Variants in KCTD18 observed in about 807,000 individuals in gnomAD.
The protein encoded by KCTD18 is BTB/POZ domain-containing protein KCTD18.
In KCTD18, 22 loss-of-function variants were observed where a neutral mutation model predicts 30.4. The observed-to-expected ratio is 0.72, with a 90% CI of 0.52 to 1.03. The LOEUF (loss-of-function observed/expected upper bound fraction) is 1.03. Among genes scored for constraint, KCTD18 ranks in the 50% least tolerant of loss-of-function variants. KCTD18 has a pLI of 0.00. For missense variants in KCTD18, 529 were observed against 547.6 expected (o/e 0.97, Z 0.34); for synonymous variants, 186 against 209.0 (o/e 0.89, Z 0.95).
At position 200,506,178 on chromosome 2, in the gene KCTD18, C is replaced by A. The variant is rs74454061; in HGVS notation, c.160+679G>T. ...CTCTAACACAGAACCAAGAGTGGGTCTGGGGCTCATACACAGGGCAAAAAA... is the reference window on the plus strand; with the variant it reads ...CTCTAACACAGAACCAAGAGTGGGTATGGGGCTCATACACAGGGCAAAAAA... On this transcript the variant is annotated intron_variant, in intron 2 of 6. Transcript: ENST00000359878. 8.0e-4 allele frequency among the ~76,000 whole-genome samples: 122 copies of A among 152,272 alleles called. 1 individual carries two copies. Among genetic ancestry groups the A allele is most frequent in the African/African-American group, 2.7e-3 (113 of 41,554 alleles).
chr2:200,489,510 GA>G lies in KCTD18; in HGVS notation c.*589del, dbSNP rs1174066475. 6.6e-6 allele frequency: 1 copy of G among 152,148 alleles called. No individual in the cohort carries two copies. Among genetic ancestry groups the G allele is most frequent in the African/African-American group, 2.4e-5 (1 of 41,434 alleles). 9.4% of individuals were successfully genotyped at this position (152,148 alleles called of 1,614,324 possible). On this transcript the variant is annotated 3_prime_UTR_variant, in exon 7 of 7. Transcript: ENST00000359878. ...AAAAGAGTAAGAAAAGCCAATCTAG[GA>G]AAGAAAATCGTTGAATTAAGTGAGA...
In KCTD18 at chr2:200,492,831, ATT is replaced by A. The variant is rs5837746; in HGVS notation, c.764+339_764+340del. Among the ~76,000 whole-genome samples the A allele has an allele frequency of 7.8e-3, 1,181 of 151,638 alleles. 8 individuals carry two copies. Among genetic ancestry groups the A allele is most frequent in the Non-Finnish European group, 0.012 (795 of 67,920 alleles). On this transcript the variant is annotated intron_variant, in intron 6 of 6. Transcript: ENST00000359878. The stretch of plus-strand genomic sequence containing the variant: ...AATTTCAAGTATTAAGTCTAAATAG[ATT>A]TTTTTTTTACTATTGCCAGTAAAGC...
rs1056240338 is a variant in KCTD18 at position 200,510,048 on chromosome 2, C to T, written c.-496G>A. 9 of 152,252 alleles carry T rather than the reference C, an allele frequency of 5.9e-5. No individual in the cohort carries two copies. Among genetic ancestry groups the T allele is most frequent in the African/African-American group, 1.9e-4 (8 of 41,558 alleles). 9.4% of individuals were successfully genotyped at this position (152,252 alleles called of 1,614,324 possible). On this transcript the variant is annotated 5_prime_UTR_variant, in exon 1 of 7. Transcript: ENST00000359878. ...AGACCCTCGGCGCGGCCGCCGGACG[C>T]CGCGGGGCGGACGCGGAAGTGAACG...
intron 3 of KCTD18, among the ~76,000 whole-genome samples, chr2:200,500,848 A>C (rs2088073165): frequency 6.6e-6 from 1 of 152,242 alleles, no homozygotes; most frequent in African/African-American, 2.4e-5. Context: ...AAAAGAACAA[A>C]GCTGGAGGAG....
At chr2:200,498,763 G>A (rs929151064) in intron 4 of KCTD18, 128 bp downstream of exon 4, 11 of 755,036 alleles carry the variant, frequency 1.5e-5, no homozygotes, top group Non-Finnish European at 2.0e-5. Context: ...CAACTGCTAT[G>A]ATGGCTCACT....
At chr2:200,502,510 G>A (rs966289300) in intron 3 of KCTD18, among the ~76,000 whole-genome samples, 3 of 152,054 alleles carry the variant, frequency 2.0e-5, no homozygotes, top group East Asian at 1.9e-4. Flanking sequence ...GGAAAGATAC[G>A]AATATGTAAA....
chr2:200,509,829 C>T lies in KCTD18; in HGVS notation c.-277G>A, dbSNP rs1338285113. The stretch of plus-strand genomic sequence containing the variant: ...AGCCAGAAAGCCCCGCCACGGTCTT[C>T]CGCGGCCTGGAGACCCCAAATCGGC... On this transcript the variant is annotated 5_prime_UTR_variant, in exon 1 of 7. Coordinates refer to ENST00000359878, the MANE Select transcript of KCTD18 (RefSeq NM_152387.4). 6.6e-6 allele frequency: 1 copy of T among 152,228 alleles called. No individual in the cohort carries two copies. The highest frequency in any genetic ancestry group is 1.5e-5 in the Non-Finnish European group (1 of 68,054). 9.4% of individuals were successfully genotyped at this position (152,228 alleles called of 1,614,324 possible).
chr2:200,491,208 G>A (rs890975300), intron 6 of KCTD18, among the ~76,000 whole-genome samples: 6 of 152,030 alleles, frequency 3.9e-5, no homozygotes, highest in African/African-American at 1.2e-4. Context: ...CGTTCACGTG[G>A]GAGCTGGCTG....
chr2:200,496,936 G>A (rs1206913083), intron 5 of KCTD18: 4 of 152,332 alleles, frequency 2.6e-5, no homozygotes, highest in African/African-American at 9.7e-5. Flanking sequence ...CCAAGTAACT[G>A]AGACAATAGG....
intron 3 of KCTD18, among the ~76,000 whole-genome samples, chr2:200,501,316 C>T (rs2088081624): frequency 9.4e-6 from 1 of 105,884 alleles, no homozygotes; most frequent in African/African-American, 3.2e-5. Flanking sequence ...GCTTCTTGCA[C>T]AGCAAAAGAA....
intron 5 of KCTD18, chr2:200,496,357 C>T (rs1015437193): frequency 6.6e-6 from 1 of 151,964 alleles, no homozygotes; most frequent in Non-Finnish European, 1.5e-5. Context: ...AAATAGAAAG[C>T]TGAAAGATGT....
At chr2:200,498,508 C>T (rs923912607) in intron 4 of KCTD18, among the ~76,000 whole-genome samples, 1 of 152,212 alleles carries the variant, frequency 6.6e-6, no homozygotes, top group Admixed American at 6.5e-5. Flanking sequence ...GCAGGCCAGC[C>T]CTGAGTCACT....
At chr2:200,494,160 G>A (rs1456599246) in intron 5 of KCTD18, among the ~76,000 whole-genome samples, 1 of 152,210 alleles carries the variant, frequency 6.6e-6, no homozygotes, top group Non-Finnish European at 1.5e-5. Flanking sequence ...TCAAGAGTAG[G>A]TAAATCCATT....
In KCTD18 at chr2:200,508,304, G is replaced by A. The variant is rs548442408; in HGVS notation, c.-75-1213C>T. On this transcript the variant is annotated intron_variant, in intron 1 of 6. Transcript: ENST00000359878. Reference sequence around the variant, plus strand: ...GGCGTTTCACCATATTGGGCAGTCTGGTCTCCAACTCCTGACCTCAGGTGA... The same window carrying A: ...GGCGTTTCACCATATTGGGCAGTCTAGTCTCCAACTCCTGACCTCAGGTGA... Among the ~76,000 whole-genome samples, 83 of 152,178 alleles carry A rather than the reference G, an allele frequency of 5.5e-4. 1 individual carries two copies. Among genetic ancestry groups the A allele is most frequent in the African/African-American group, 2.0e-3 (82 of 41,524 alleles).
chr2:200,504,761 A>G lies in KCTD18; in HGVS notation c.359T>C (p.Ile120Thr), dbSNP rs766614160. ...AAATGCCAAGACCTTTTTAAGTTCT[A>G]TATTTGACCTTAAAGAATATGTCTC... is the stretch of plus-strand genomic sequence containing the variant. The part of the protein sequence containing the change: ...EMETYSLRSN[I>T]ELKKALTDFC... The change falls in exon 3 of 7, where the codon ATA becomes ACA. Residue 120 changes from isoleucine to threonine, a missense_variant. Transcript: ENST00000359878. 1.2e-6 allele frequency: 2 copies of G among 1,613,502 alleles called. No individual in the cohort carries two copies. The highest frequency in any genetic ancestry group is 1.7e-6 in the Non-Finnish European group (2 of 1,179,548).
intron 1 of KCTD18, among the ~76,000 whole-genome samples, chr2:200,509,279 C>A (rs960620683): frequency 1.3e-5 from 2 of 152,082 alleles, no homozygotes; most frequent in Non-Finnish European, 2.9e-5. Context: ...CAATCCAGAA[C>A]GGCAGGACGA....
intron 5 of KCTD18, among the ~76,000 whole-genome samples, chr2:200,493,496 C>T (rs1234439201): frequency 6.6e-6 from 1 of 152,204 alleles, no homozygotes; most frequent in East Asian, 1.9e-4. Context: ...AGCTTTGCCA[C>T]TGATTAGCTG....
At chr2:200,505,586 G>A (rs1195998371) in intron 2 of KCTD18, among the ~76,000 whole-genome samples, 1 of 152,174 alleles carries the variant, frequency 6.6e-6, no homozygotes. Flanking sequence ...ACTGCTGGTA[G>A]AAACAGCAGT....
In KCTD18 at chr2:200,499,014, A is replaced by C. The variant is rs1217203647; in HGVS notation, c.443T>G (p.Leu148Arg). Residue 148 changes from leucine to arginine, a missense_variant, in exon 4 of 7, where the codon CTT becomes CGT. Coordinates refer to ENST00000359878, the MANE Select transcript of KCTD18 (RefSeq NM_152387.4). ...CTCACAGCTTGCACCAGATGTGTTAAGATAGTGGAGAACCCAAACTGTTGG... is the reference window on the plus strand; with the variant it reads ...CTCACAGCTTGCACCAGATGTGTTACGATAGTGGAGAACCCAAACTGTTGG... ...NKPTVWVLHY[L>R]NTSGASCESR... 1 of 1,614,120 alleles carries C rather than the reference A, an allele frequency of 6.2e-7. No individual in the cohort carries two copies. The highest frequency in any genetic ancestry group is 8.5e-7 in the Non-Finnish European group (1 of 1,179,974).
Sources: allele counts gnomAD v4.1 joint callset (sites outside exome capture counted in the v4.1 genomes callset), GRCh38; gene constraint gnomAD v4.1.1; transcripts MANE v1.5; gene names NCBI Gene and HGNC (gene_info 2026-07-23, HGNC 2026-07-21).